The following ELMO1 variants were observed in gnomAD, a reference collection of about 807,000 sequenced individuals.
ELMO1 encodes engulfment and cell motility 1.
Under a neutral mutation model 98.9 loss-of-function variants are expected in ELMO1, and 26 were observed. The observed-to-expected ratio is 0.26, with a 90% CI of 0.19 to 0.36. The LOEUF is 0.36. ELMO1 is among the 10% of genes least tolerant of loss of function. The pLI, the probability that ELMO1 is intolerant of heterozygous loss-of-function variation, is 1.00. For missense variants in ELMO1, 627 were observed against 935.2 expected, an observed-to-expected ratio of 0.67 and a Z score of 4.30; for synonymous variants, 346 against 346.0, an observed-to-expected ratio of 1.00 and a Z score of 0.00.
chr7:37,371,837 A>C (rs890476519), intron 1 of ELMO1, among the ~76,000 whole-genome samples: 1 of 152,184 alleles, frequency 6.6e-6, no homozygotes, highest in African/African-American at 2.4e-5. Flanking sequence ...TCCCCTGATG[A>C]GTTGCGAAGA....
chr7:37,193,000 T>G (rs1018215571), intron 13 of ELMO1, among the ~76,000 whole-genome samples: 25 of 102,390 alleles, frequency 2.4e-4, no homozygotes, highest in African/African-American at 8.2e-4. Flanking sequence ...TATATATATA[T>G]ATATATATAC....
At chr7:37,054,949 T>C (rs1370163977) in intron 15 of ELMO1, among the ~76,000 whole-genome samples, 1 of 152,250 alleles carries the variant, frequency 6.6e-6, no homozygotes, top group African/African-American at 2.4e-5. Context: ...CATATTAGCA[T>C]ATGTATTGCA....
chr7:37,082,298 A>G (rs74664526), intron 15 of ELMO1, among the ~76,000 whole-genome samples: 1 of 148,874 alleles, frequency 6.7e-6, no homozygotes, highest in Non-Finnish European at 1.5e-5. Context: ...AAACAGAGGG[A>G]TTTTTTTTTT....
At chr7:37,056,051 C>T (rs551050011) in intron 15 of ELMO1, among the ~76,000 whole-genome samples, 18 of 152,174 alleles carry the variant, frequency 1.2e-4, no homozygotes, top group Non-Finnish European at 2.5e-4. Context: ...GAATCCTACC[C>T]AGAAAGAATT....
intron 1 of ELMO1, among the ~76,000 whole-genome samples, chr7:37,387,340 G>T (rs1280778239): frequency 1.3e-5 from 2 of 152,214 alleles, no homozygotes; most frequent in East Asian, 1.9e-4. Flanking sequence ...CACTAGGGAA[G>T]CGTCTGTTTC....
At chr7:37,001,112 G>A (rs1047230843) in intron 16 of ELMO1, among the ~76,000 whole-genome samples, 11 of 152,116 alleles carry the variant, frequency 7.2e-5, no homozygotes, top group African/African-American at 2.7e-4. Flanking sequence ...TTTTTATTAA[G>A]AAACAGATGG....
In ELMO1 at chr7:37,200,841, C is replaced by T. The variant is rs141364356; in HGVS notation, c.1086+10545G>A. Among the ~76,000 whole-genome samples the T allele has an allele frequency of 1.9e-3, 281 of 151,842 alleles. 3 individuals carry two copies. Among genetic ancestry groups the T allele is most frequent in the African/African-American group, 6.1e-3 (254 of 41,404 alleles). On this transcript the variant is annotated intron_variant, in intron 13 of 21. Coordinates refer to ENST00000310758, the MANE Select transcript of ELMO1 (RefSeq NM_014800.11). Reference sequence around the variant, plus strand: ...AAATAGCTGGGCCTGGTGGTGAGCGCCTGTGGTCCTGAGGTGGTAGGATAG... The same window carrying T: ...AAATAGCTGGGCCTGGTGGTGAGCGTCTGTGGTCCTGAGGTGGTAGGATAG...
At chr7:36,920,159 C>T (rs1354012158) in intron 16 of ELMO1, among the ~76,000 whole-genome samples, 1 of 152,220 alleles carries the variant, frequency 6.6e-6, no homozygotes, top group Non-Finnish European at 1.5e-5. Context: ...GCCAGGCCAC[C>T]ACACAGTCAA....
intron 14 of ELMO1, among the ~76,000 whole-genome samples, chr7:37,119,854 T>C (rs1435874366): frequency 6.6e-6 from 1 of 152,232 alleles, no homozygotes; most frequent in Non-Finnish European, 1.5e-5. Flanking sequence ...TCAGCCAGTA[T>C]GCAAAGATTT....
chr7:37,271,685 G>C, intron 5 of ELMO1, 147 bp downstream of exon 5: 1 of 788,088 alleles, frequency 1.3e-6, no homozygotes, highest in South Asian at 1.9e-5. Context: ...GGGCATTCCT[G>C]CTAATCCAGA....
rs191323024 is a variant in ELMO1, at chr7:37,277,779, G to A, written c.193-5897C>T. ...ATCTCCCTCACCCCCACACTCAGCT[G>A]GTTACTGAGAACGCACACCTTCCAA... On this transcript the variant is annotated intron_variant, in intron 4 of 21. Coordinates refer to ENST00000310758, the MANE Select transcript of ELMO1 (RefSeq NM_014800.11). Among the ~76,000 whole-genome samples the A allele has an allele frequency of 9.9e-5, 15 of 152,128 alleles. No individual in the cohort carries two copies. The East Asian group carries it at 2.9e-3, about 29-fold the overall frequency.
chr7:37,010,864 G>GA (rs1382818193), intron 16 of ELMO1, among the ~76,000 whole-genome samples: 2 of 152,100 alleles, frequency 1.3e-5, no homozygotes, highest in East Asian at 1.9e-4. Context: ...GCATAGTACT[G>GA]AAAAAAAGAG....
intron 2 of ELMO1, among the ~76,000 whole-genome samples, chr7:37,339,105 G>A (rs1305070613): frequency 6.6e-6 from 1 of 152,182 alleles, no homozygotes; most frequent in Non-Finnish European, 1.5e-5. Context: ...CACCAGGCAA[G>A]GAGAAACAAC....
intron 4 of ELMO1, among the ~76,000 whole-genome samples, chr7:37,278,113 CTTT>C (rs36110041): frequency 8.2e-5 from 7 of 85,608 alleles, no homozygotes; most frequent in South Asian, 5.2e-4. Flanking sequence ...ATAGCTTTTC[CTTT>C]TTTTTTTTTT....
At chr7:36,882,760 C>T (rs550455028) in intron 18 of ELMO1, among the ~76,000 whole-genome samples, 1 of 152,294 alleles carries the variant, frequency 6.6e-6, no homozygotes, top group South Asian at 2.1e-4. Context: ...AAGTATGGAT[C>T]CTACATCTTC....
chr7:36,976,599 C>T lies in ELMO1; in HGVS notation c.1437+36700G>A, dbSNP rs543316678. On this transcript the variant is annotated intron_variant, in intron 16 of 21. Coordinates refer to ENST00000310758, the MANE Select transcript of ELMO1 (RefSeq NM_014800.11). ...GGTTCCTTATTTAAAAGATAAGTCACAAGTCCTTTTGTTTGGCTCTCAGAG... is the reference window on the plus strand; with the variant it reads ...GGTTCCTTATTTAAAAGATAAGTCATAAGTCCTTTTGTTTGGCTCTCAGAG... Among the ~76,000 whole-genome samples, 10 of 152,268 alleles carry T rather than the reference C, an allele frequency of 6.6e-5. No homozygotes were observed. In the South Asian group the frequency reaches 2.1e-3, roughly 32 times the overall value.
chr7:37,085,265 C>T (rs948085265), intron 15 of ELMO1, among the ~76,000 whole-genome samples: 9 of 152,188 alleles, frequency 5.9e-5, no homozygotes, highest in Non-Finnish European at 1.3e-4. Flanking sequence ...AAAACTGACA[C>T]TGTAGGAAGC....
At chr7:37,245,337 G>A (rs1037902672) in intron 6 of ELMO1, among the ~76,000 whole-genome samples, 8 of 152,116 alleles carry the variant, frequency 5.3e-5, no homozygotes, top group Admixed American at 1.3e-4. Flanking sequence ...TGACAATAGC[G>A]TAATGTGAGG....
chr7:37,042,676 C>G (rs1795586627), intron 15 of ELMO1, among the ~76,000 whole-genome samples: 1 of 152,192 alleles, frequency 6.6e-6, no homozygotes, highest in African/African-American at 2.4e-5. Flanking sequence ...ATCCTGAGAA[C>G]ATCGTTCTTT....
Sources: allele counts gnomAD v4.1 joint callset (sites outside exome capture counted in the v4.1 genomes callset), GRCh38; gene constraint gnomAD v4.1.1; transcripts MANE v1.5; gene names NCBI Gene and HGNC (gene_info 2026-07-23, HGNC 2026-07-21).